ZNF474: variants seen among roughly 807,000 people sequenced by gnomAD.
ZNF474 encodes the protein zinc finger protein 474, also known as 4933409D10Rik.
For missense variants in ZNF474, 511 were observed against 433.8 expected, an observed-to-expected ratio of 1.18 and a Z score of -1.58; for synonymous variants, 192 against 162.2, an observed-to-expected ratio of 1.18 and a Z score of -1.39.
intron 1 of ZNF474, among the ~76,000 whole-genome samples, chr5:122,141,144 T>TTTGAA (rs1561439503): frequency 3.0e-4 from 42 of 140,288 alleles, no homozygotes; most frequent in East Asian, 6.2e-4. Context: ...TATTTTATTT[T>TTTGAA]ATTTTATTTT....
At chr5:122,133,326 A>G (rs1755624428) in intron 1 of ZNF474, among the ~76,000 whole-genome samples, 1 of 152,224 alleles carries the variant, frequency 6.6e-6, no homozygotes, top group South Asian at 2.1e-4. Context: ...GTTTAACAGT[A>G]TATTTCTCAC....
At chr5:122,150,242 C>G (rs1756129244) in intron 1 of ZNF474, among the ~76,000 whole-genome samples, 1 of 152,064 alleles carries the variant, frequency 6.6e-6, no homozygotes, top group African/African-American at 2.4e-5. Context: ...TGATAAATTT[C>G]TCTGTTTTAT....
intron 1 of ZNF474, among the ~76,000 whole-genome samples, chr5:122,142,252 C>A (rs1755863658): frequency 6.6e-6 from 1 of 152,268 alleles, no homozygotes; most frequent in Non-Finnish European, 1.5e-5. Context: ...GGAAAAAAGA[C>A]CCTGTTGAAA....
At chr5:122,134,510 C>T (rs1179495922) in intron 1 of ZNF474, among the ~76,000 whole-genome samples, 1 of 152,160 alleles carries the variant, frequency 6.6e-6, no homozygotes, top group Non-Finnish European at 1.5e-5. Flanking sequence ...GTTAAGGGCT[C>T]GTAAGCCATA....
intron 1 of ZNF474, among the ~76,000 whole-genome samples, chr5:122,140,304 C>T (rs578125593): frequency 1.4e-4 from 22 of 152,268 alleles, no homozygotes; most frequent in African/African-American, 5.1e-4. Flanking sequence ...AGGATTCTGA[C>T]TTAGCTCAGT....
rs920246661 is a variant in ZNF474, at chr5:122,144,698, T to A, written c.-212-7081T>A. On this transcript the variant is annotated intron_variant, in intron 1 of 1. Coordinates refer to ENST00000296600, the MANE Select transcript of ZNF474 (RefSeq NM_207317.3). ...CCTGTTGGAAGAAAATTATCCTAAA[T>A]GAGAGAAAATATGGCATGTGAAATT... Among the ~76,000 whole-genome samples, 10 of 152,340 alleles carry A rather than the reference T, an allele frequency of 6.6e-5. No homozygotes were observed. The East Asian group carries it at 1.5e-3, about 24-fold the overall frequency.
intron 1 of ZNF474, among the ~76,000 whole-genome samples, chr5:122,132,984 A>G (rs907801212): frequency 6.6e-6 from 1 of 152,208 alleles, no homozygotes. Flanking sequence ...CAAGAATTAG[A>G]ATCAGGTTGG....
chr5:122,146,000 T>C (rs1322358245), intron 1 of ZNF474, among the ~76,000 whole-genome samples: 3 of 152,172 alleles, frequency 2.0e-5, no homozygotes, highest in African/African-American at 7.2e-5. Flanking sequence ...GTTTTACAAA[T>C]TTGGTTGGAT....
chr5:122,145,956 G>A (rs1053044733), intron 1 of ZNF474, among the ~76,000 whole-genome samples: 6 of 152,200 alleles, frequency 3.9e-5, no homozygotes, highest in African/African-American at 1.4e-4. Context: ...ACTGGCTGGT[G>A]ATTGCATCTG....
chr5:122,134,963 A>G (rs1340628815), intron 1 of ZNF474, among the ~76,000 whole-genome samples: 1 of 152,232 alleles, frequency 6.6e-6, no homozygotes, highest in Non-Finnish European at 1.5e-5. Context: ...GTAAGATCTC[A>G]AAAGCACAGG....
intron 1 of ZNF474, among the ~76,000 whole-genome samples, chr5:122,139,941 G>A (rs1755793684): frequency 6.6e-6 from 1 of 152,142 alleles, no homozygotes; most frequent in Non-Finnish European, 1.5e-5. Flanking sequence ...GGACAGGAAA[G>A]GTAAAGGAGA....
At chr5:122,132,409 A>G (rs1755599316) in intron 1 of ZNF474, among the ~76,000 whole-genome samples, 2 of 152,058 alleles carry the variant, frequency 1.3e-5, no homozygotes, top group Admixed American at 1.3e-4. Flanking sequence ...TAGATAATCC[A>G]ATTTTTAAAT....
chr5:122,131,336 G>C (rs78126630), intron 1 of ZNF474, among the ~76,000 whole-genome samples: 24,192 of 151,540 alleles, frequency 0.16, 3,486 homozygotes, highest in African/African-American at 0.38. Flanking sequence ...AATGAAATTA[G>C]TATATTAAAG....
chr5:122,129,564 C>T lies in ZNF474; in HGVS notation c.-332C>T, dbSNP rs1425216586. 1 of 152,182 alleles carries T rather than the reference C, an allele frequency of 6.6e-6. No individual in the cohort carries two copies. Among genetic ancestry groups the T allele is most frequent in the Admixed American group, 6.5e-5 (1 of 15,270 alleles). 9.4% of individuals were successfully genotyped at this position (152,182 alleles called of 1,614,324 possible). A position where few individuals can be genotyped will look rare whatever the true frequency, so the allele number is the denominator to read the frequency against. ...ACTCAGCAGCCTCAAAAACTCACAC[C>T]AGCTCCTGCAAGGAATGTGAATCTT... On this transcript the variant is annotated 5_prime_UTR_variant, in exon 1 of 2. Coordinates refer to ENST00000296600, the MANE Select transcript of ZNF474 (RefSeq NM_207317.3).
intron 1 of ZNF474, among the ~76,000 whole-genome samples, chr5:122,134,117 T>A (rs1755641373): frequency 6.6e-6 from 1 of 152,226 alleles, no homozygotes; most frequent in African/African-American, 2.4e-5. Flanking sequence ...TCAGTGATGA[T>A]TTCTGCGGAG....
At position 122,145,703 on chromosome 5, in the gene ZNF474, T is replaced by A. The variant is rs140681986; in HGVS notation, c.-212-6076T>A. Among the ~76,000 whole-genome samples, 326 of 152,296 alleles carry A rather than the reference T, an allele frequency of 2.1e-3. 11 individuals are homozygous for A. The East Asian group carries it at 0.047, about 22-fold the overall frequency. ...ATAGTGTAAAAATAACAAAAATGCA[T>A]TTTCAGTGGTCTGAGTTGAGGATTA... On this transcript the variant is annotated intron_variant, in intron 1 of 1. Transcript: ENST00000296600.
At position 122,152,999 on chromosome 5, in the gene ZNF474, A is replaced by G. The variant is rs1437966845; in HGVS notation, c.1009A>G (p.Asn337Asp). 6.2e-7 allele frequency: 1 copy of G among 1,614,132 alleles called. No individual in the cohort carries two copies. The highest frequency in any genetic ancestry group is 1.1e-5 in the South Asian group (1 of 91,086). ...GTACACTAATTCCAAGCAGCAAAGG[A>G]ACAGGGCAGCACCCAGTGTAACTGA... ...KEYTNSKQQR[N>D]RAAPSVTDKV... The change falls in exon 2 of 2, where the codon AAC becomes GAC. Residue 337 changes from asparagine to aspartate, a missense_variant. Physicochemically the swap from Asn to Asp is conservative, Grantham distance 23 (BLOSUM62 1). Transcript: ENST00000296600.
In ZNF474 at chr5:122,136,482, G is replaced by C. The variant is rs563781995; in HGVS notation, c.-213+6799G>C. Among the ~76,000 whole-genome samples, 15 of 152,238 alleles carry C rather than the reference G, an allele frequency of 9.9e-5. No individual in the cohort carries two copies. In the East Asian group the frequency reaches 2.9e-3, roughly 29 times the overall value. On this transcript the variant is annotated intron_variant, in intron 1 of 1. Coordinates refer to ENST00000296600, the MANE Select transcript of ZNF474 (RefSeq NM_207317.3). The stretch of plus-strand genomic sequence containing the variant: ...CCCCAGCACAAGTGACTAGCTGCTC[G>C]TATGGCTACCTTTGGTGTGCCTGTC...
Position 122,152,954 on chromosome 5 carries a change from A to G in ZNF474, c.964A>G (p.Ser322Gly), listed in dbSNP as rs1756238001. Residue 322 changes from serine (S) to glycine (G), a missense_variant, in exon 2 of 2, where the codon AGT (serine) becomes GGT (glycine). Physicochemically the swap from Ser to Gly is moderately conservative, Grantham distance 56. Transcript: ENST00000296600. ...AAAATATCAGAATTTGAATTTAGGG[A>G]GTAAAGGAGGCCTAAAAGAGTACAC... is the stretch of plus-strand genomic sequence containing the variant. Reference protein sequence around the residue: ...GPKYQNLNLGSKGGLKEYTNS... With the variant: ...GPKYQNLNLGGKGGLKEYTNS... The G allele has an allele frequency of 6.2e-7, 1 of 1,613,934 alleles. No homozygotes were observed. Among genetic ancestry groups the G allele is most frequent in the Admixed American group, 1.7e-5 (1 of 59,998 alleles).
Sources: allele counts gnomAD v4.1 joint callset (sites outside exome capture counted in the v4.1 genomes callset), GRCh38; gene constraint gnomAD v4.1.1; transcripts MANE v1.5; gene names NCBI Gene and HGNC (gene_info 2026-07-23, HGNC 2026-07-21).